The following DDAH1 variants were observed in gnomAD, a reference collection of about 807,000 sequenced individuals.
The protein encoded by DDAH1 is dimethylarginine dimethylaminohydrolase 1.
In DDAH1, 19 loss-of-function variants were observed where a neutral mutation model predicts 28.8. That is an observed-to-expected ratio of 0.66 (90% CI 0.46 to 0.97). DDAH1 has a LOEUF of 0.97. Among genes scored for constraint, DDAH1 ranks in the 50% least tolerant of loss-of-function variants. The pLI, the probability that DDAH1 is intolerant of heterozygous loss-of-function variation, is 0.00. For missense variants in DDAH1, 326 were observed against 375.9 expected (o/e 0.87, Z 1.10); for synonymous variants, 153 against 154.4 (o/e 0.99, Z 0.07).
chr1:85,560,702 A>T (rs1324139015), intron 1 of DDAH1, among the ~76,000 whole-genome samples: 2 of 152,088 alleles, frequency 1.3e-5, no homozygotes, highest in African/African-American at 4.8e-5. Context: ...TATAGAAAAT[A>T]ATAAAAAAGA....
rs1563252 is a variant in DDAH1 at position 85,464,711 on chromosome 1, G to C, written c.303+32C>G. The C allele has an allele frequency of 2.7e-3, 3,939 of 1,440,234 alleles. 82 individuals are homozygous for C. In the East Asian group the frequency reaches 0.047, roughly 17 times the overall value. 89.2% of individuals were successfully genotyped at this position (1,440,234 alleles called of 1,614,324 possible). A position where few individuals can be genotyped will look rare whatever the true frequency, so the allele number is the denominator to read the frequency against. On this transcript the variant is annotated intron_variant, in intron 1 of 5. Coordinates refer to ENST00000284031, the MANE Select transcript of DDAH1 (RefSeq NM_012137.4). This position sits in a 1 kb window ranked among gnomAD's most constrained non-coding sequence, Gnocchi z 4.4. The stretch of plus-strand genomic sequence containing the variant: ...GGCGGCGGGGGAGGGCCTGGCGCGC[G>C]CCCCGGCCGCGCCCCTCGAGTCGGC...
At chr1:85,374,926 A>G (rs1650579030) in intron 1 of DDAH1, among the ~76,000 whole-genome samples, 1 of 152,194 alleles carries the variant, frequency 6.6e-6, no homozygotes, top group Non-Finnish European at 1.5e-5. Flanking sequence ...TGAATTTTAG[A>G]GTACTTCAAG....
chr1:85,496,488 TACCC>T (rs1171418703), intron 1 of DDAH1, among the ~76,000 whole-genome samples: 3 of 152,250 alleles, frequency 2.0e-5, no homozygotes, highest in Non-Finnish European at 4.4e-5. Flanking sequence ...CTTACTTGTT[TACCC>T]CTCAAGACCT....
chr1:85,487,611 A>G (rs1656247587), intron 2 of DDAH1, among the ~76,000 whole-genome samples: 1 of 152,172 alleles, frequency 6.6e-6, no homozygotes, highest in Non-Finnish European at 1.5e-5. Flanking sequence ...AATTTTATTT[A>G]TTTAATTCCT....
chr1:85,329,853 TTA>T (rs1647655394), intron 4 of DDAH1, among the ~76,000 whole-genome samples: 1 of 152,120 alleles, frequency 6.6e-6, no homozygotes, highest in African/African-American at 2.4e-5. Flanking sequence ...ATTACAAAAG[TTA>T]TGTCAGGTGT....
At chr1:85,432,892 T>A (rs116366759) in intron 1 of DDAH1, among the ~76,000 whole-genome samples, 6,426 of 152,146 alleles carry the variant, frequency 0.042, 475 homozygotes, top group African/African-American at 0.15. Context: ...CTGGACTAAC[T>A]CCCACAAAAC....
At chr1:85,411,414 T>C (rs1652649308) in intron 1 of DDAH1, among the ~76,000 whole-genome samples, 1 of 152,176 alleles carries the variant, frequency 6.6e-6, no homozygotes, top group South Asian at 2.1e-4. Context: ...CCTGCCTTAA[T>C]CAGGATGCTC....
intron 1 of DDAH1, among the ~76,000 whole-genome samples, chr1:85,454,570 C>T (rs537657421): frequency 1.1e-4 from 16 of 152,134 alleles, no homozygotes; most frequent in Non-Finnish European, 2.1e-4. Context: ...TATTTTTTAC[C>T]ATGACCTAGT....
At chr1:85,412,599 G>A (rs1246406241) in intron 1 of DDAH1, among the ~76,000 whole-genome samples, 1 of 152,074 alleles carries the variant, frequency 6.6e-6, no homozygotes, top group Non-Finnish European at 1.5e-5. Flanking sequence ...CATGTTGAAG[G>A]CATCTGTTGA....
chr1:85,563,164 T>C (rs977796515), intron 1 of DDAH1, among the ~76,000 whole-genome samples: 4 of 152,008 alleles, frequency 2.6e-5, no homozygotes, highest in Admixed American at 2.0e-4. Flanking sequence ...AGTTTTTTGG[T>C]GAAGCAAGTA....
chr1:85,494,242 C>T (rs2100731642), intron 2 of DDAH1: 1 of 152,260 alleles, frequency 6.6e-6, no homozygotes, highest in Admixed American at 6.5e-5. Context: ...GGGCATTTAC[C>T]AGAACAGCTC....
At position 85,531,555 on chromosome 1, in the gene DDAH1, C is replaced by T. The variant is rs112627779; in HGVS notation, c.-122-35274G>A. 8.3e-3 allele frequency among the ~76,000 whole-genome samples: 1,252 copies of T among 151,662 alleles called. 21 individuals carry two copies. Among genetic ancestry groups the T allele is most frequent in the African/African-American group, 0.028 (1,175 of 41,290 alleles). ...CACACTGCACTGTGTCTTAACATTT[C>T]GAATATCTCTCATGTGTATTACATT... On this transcript the variant is annotated intron_variant, in intron 1 of 6. Coordinates refer to the DDAH1 transcript ENST00000426972.
At chr1:85,489,911 T>A (rs894251262) in intron 2 of DDAH1, among the ~76,000 whole-genome samples, 1 of 152,190 alleles carries the variant, frequency 6.6e-6, no homozygotes, top group Non-Finnish European at 1.5e-5. Flanking sequence ...TTTGAAATGA[T>A]CACGGAGGGA....
At chr1:85,420,194 G>C (rs1557607776) in intron 1 of DDAH1, among the ~76,000 whole-genome samples, 1 of 152,146 alleles carries the variant, frequency 6.6e-6, no homozygotes, top group Non-Finnish European at 1.5e-5. Flanking sequence ...CTCAGGGCCT[G>C]TGATGGGAGG....
At chr1:85,330,490 C>T (rs1055354476) in intron 4 of DDAH1, among the ~76,000 whole-genome samples, 7 of 152,298 alleles carry the variant, frequency 4.6e-5, no homozygotes, top group African/African-American at 1.7e-4. Flanking sequence ...AGGGACTGTA[C>T]TTCCTGCTTC....
At chr1:85,342,451 C>G (rs1462451694) in intron 4 of DDAH1, among the ~76,000 whole-genome samples, 2 of 151,762 alleles carry the variant, frequency 1.3e-5, no homozygotes, top group Non-Finnish European at 2.9e-5. Context: ...CAAATGCAAG[C>G]TTCCTGTTCT....
In DDAH1 at chr1:85,335,599, A is replaced by G. The variant is rs551756657; in HGVS notation, c.598-10716T>C. Among the ~76,000 whole-genome samples the G allele has an allele frequency of 2.0e-5, 3 of 152,346 alleles. No individual in the cohort carries two copies. The East Asian group carries it at 5.8e-4, about 29-fold the overall frequency. ...TTATTATGTAATGATAAATGGATCA[A>G]TTAAGCAAGAGAATATAACAGTTCT... On this transcript the variant is annotated intron_variant, in intron 4 of 5. Transcript: ENST00000284031.
At chr1:85,574,128 T>A (rs1659532128) in intron 1 of DDAH1, among the ~76,000 whole-genome samples, 1 of 152,236 alleles carries the variant, frequency 6.6e-6, no homozygotes, top group South Asian at 2.1e-4. Context: ...ACAGTGAACC[T>A]ACATTTTCAC....
At chr1:85,404,424 G>A in intron 1 of DDAH1, 1 of 1,533,762 alleles carries the variant, frequency 6.5e-7, no homozygotes, top group Non-Finnish European at 8.7e-7. Flanking sequence ...CTGCTTTTGG[G>A]AAGCAGTTCC....
Sources: gnomAD v4.1 joint callset for allele counts (sites outside exome capture counted in the v4.1 genomes callset) on GRCh38, gnomAD v4.1.1 for gene constraint, Gnocchi (gnomAD v3.1) non-coding constraint, MANE v1.5 for transcripts, NCBI Gene and HGNC (gene_info 2026-07-23, HGNC 2026-07-21) for gene names.